NAA15: variants seen among roughly 807,000 people sequenced by gnomAD.
NAA15 encodes the protein N-terminal acetyltransferase.
In NAA15, 34 loss-of-function variants were observed where a neutral mutation model predicts 114.0. That is an observed-to-expected ratio of 0.30 (90% confidence interval 0.23 to 0.40). The LOEUF is 0.40. Ranked by LOEUF, NAA15 falls within the 10% of genes least tolerant of loss-of-function variation. The pLI is 1.00. For missense variants in NAA15, 658 were observed against 1,004.5 expected (o/e 0.66, Z 4.66); for synonymous variants, 340 against 338.0 (o/e 1.01, Z -0.06).
chr4:139,384,722 T>G (rs1488425442), intron 17 of NAA15, 110 bp from the exon 18 acceptor site: 2 of 665,550 alleles, frequency 3.0e-6, no homozygotes, highest in Admixed American at 8.7e-5. Flanking sequence ...GCCACTGTAC[T>G]CCAGCCTGGG....
intron 17 of NAA15, among the ~76,000 whole-genome samples, chr4:139,380,489 A>T (rs949227507): frequency 1.3e-5 from 2 of 152,230 alleles, no homozygotes; most frequent in Non-Finnish European, 2.9e-5. Context: ...TACAAATTAA[A>T]AGTGACATAT....
chr4:139,333,757 A>G (rs1451453675), intron 1 of NAA15, among the ~76,000 whole-genome samples: 2 of 152,064 alleles, frequency 1.3e-5, no homozygotes, highest in African/African-American at 4.8e-5. Context: ...AATATTAGCC[A>G]GGTATGGTGG....
At chr4:139,370,737 T>C (rs1748412745) in intron 15 of NAA15, among the ~76,000 whole-genome samples, 1 of 152,236 alleles carries the variant, frequency 6.6e-6, no homozygotes, top group Non-Finnish European at 1.5e-5. Flanking sequence ...CTGATGGTTT[T>C]CTCATCTATA....
chr4:139,360,469 G>A (rs2110956779), intron 12 of NAA15, 31 bp from the exon 13 acceptor site: 1 of 1,489,364 alleles, frequency 6.7e-7, no homozygotes, highest in Non-Finnish European at 9.0e-7. Context: ...ATGATAAAAA[G>A]TGATCTTGAA....
chr4:139,378,923 T>A, intron 17 of NAA15, 69 bp downstream of exon 17: 1 of 953,800 alleles, frequency 1.0e-6, no homozygotes, highest in Non-Finnish European at 1.6e-6. Flanking sequence ...AAGTGGTCTG[T>A]ACAAGTTTAT....
intron 1 of NAA15, 86 bp downstream of exon 1, chr4:139,301,917 G>A: frequency 7.0e-7 from 1 of 1,419,986 alleles, no homozygotes; most frequent in Non-Finnish European, 9.6e-7. Flanking sequence ...GGCGGGCACT[G>A]AGCCACTCCC....
chr4:139,304,820 C>G (rs1745954345), intron 1 of NAA15, among the ~76,000 whole-genome samples: 1 of 152,062 alleles, frequency 6.6e-6, no homozygotes, highest in Non-Finnish European at 1.5e-5. Flanking sequence ...CCTTTTAGAA[C>G]CACATCCATT....
intron 17 of NAA15, 33 bp downstream of exon 17, chr4:139,378,887 G>T: frequency 7.6e-7 from 1 of 1,314,490 alleles, no homozygotes. Flanking sequence ...TTAAGTATTT[G>T]ATACAGTGGT....
chr4:139,346,963 G>A (rs1015830598), intron 6 of NAA15, among the ~76,000 whole-genome samples: 1 of 152,104 alleles, frequency 6.6e-6, no homozygotes, highest in Admixed American at 6.6e-5. Flanking sequence ...TATTTTAGAG[G>A]TGAGGTCTTG....
At position 139,378,840 on chromosome 4, in the gene NAA15, G is replaced by A. The variant is rs780059113; in HGVS notation, c.2141G>A (p.Arg714His). The change falls in exon 17 of 20, where the codon CGT becomes CAT. Residue 714 changes from arginine to histidine, a missense_variant. Around this residue, in one of 6 missense-constraint regions of NAA15, gnomAD observed 275 missense variants for 371.1 expected, o/e 0.74. Coordinates refer to ENST00000296543, the MANE Select transcript of NAA15 (RefSeq NM_057175.5). The part of the protein sequence containing the change: ...SHPWLHECMI[R>H]LFNTAVCESK... ...CCCTGGCTTCATGAGTGTATGATTCGTCTCTTTAATACTGGTATGTTTTTG... is the reference window on the plus strand; with the variant it reads ...CCCTGGCTTCATGAGTGTATGATTCATCTCTTTAATACTGGTATGTTTTTG... 2 of 1,553,846 alleles carry A rather than the reference G, an allele frequency of 1.3e-6. No homozygotes were observed. Among genetic ancestry groups the A allele is most frequent in the South Asian group, 1.2e-5 (1 of 80,780 alleles).
At chr4:139,348,064 T>A (rs1321260406) in intron 6 of NAA15, among the ~76,000 whole-genome samples, 1 of 151,862 alleles carries the variant, frequency 6.6e-6, no homozygotes, top group Non-Finnish European at 1.5e-5. Flanking sequence ...AAAGAAAGTT[T>A]ACTTAAGTCC....
chr4:139,316,174 G>T (rs1746405158), intron 1 of NAA15, among the ~76,000 whole-genome samples: 1 of 151,660 alleles, frequency 6.6e-6, no homozygotes, highest in African/African-American at 2.4e-5. Context: ...AGATTCCTCA[G>T]GAATGCTTGT....
intron 1 of NAA15, among the ~76,000 whole-genome samples, chr4:139,318,906 T>A (rs1746507001): frequency 6.6e-6 from 1 of 152,090 alleles, no homozygotes; most frequent in Non-Finnish European, 1.5e-5. Flanking sequence ...AACAAAGCTG[T>A]TTAGCTTGAA....
chr4:139,371,355 TGAGGTGGGAGGATCACTTGAATCTAG>T (rs1460858869), intron 15 of NAA15, among the ~76,000 whole-genome samples: 2 of 151,696 alleles, frequency 1.3e-5, no homozygotes, highest in Non-Finnish European at 2.9e-5. Context: ...TATAGGAGGC[TGAGGTGGGAGGATCACTTGAATCTAG>T]GAGTTCAAGG....
chr4:139,306,243 T>A (rs1436176489), intron 1 of NAA15, among the ~76,000 whole-genome samples: 2 of 152,206 alleles, frequency 1.3e-5, no homozygotes, highest in African/African-American at 4.8e-5. Context: ...GAGTTTATTT[T>A]ATTTTGTTTG....
intron 3 of NAA15, among the ~76,000 whole-genome samples, chr4:139,339,445 T>C (rs934927567): frequency 6.6e-6 from 1 of 152,140 alleles, no homozygotes; most frequent in Non-Finnish European, 1.5e-5. Flanking sequence ...TACAGTGAGC[T>C]ATGAGTGTGC....
rs116352884 is a variant in NAA15 at position 139,314,998 on chromosome 4, C to G, written c.54+13167C>G. ...GCCTAGAGAAGCGTTCAGTTCAGTT[C>G]AGTTTAGTTTAGGTTAGGTTAGGTT... On this transcript the variant is annotated intron_variant, in intron 1 of 19. Transcript: ENST00000296543. 4.2e-4 allele frequency among the ~76,000 whole-genome samples: 28 copies of G among 66,656 alleles called. 1 individual carries two copies. Among genetic ancestry groups the G allele is most frequent in the African/African-American group, 2.1e-3 (26 of 12,582 alleles). The allele number at this position is 66,656 out of a possible 152,430, so 43.7% of individuals were successfully genotyped here.
At chr4:139,303,991 C>T (rs1246009658) in intron 1 of NAA15, among the ~76,000 whole-genome samples, 7 of 152,142 alleles carry the variant, frequency 4.6e-5, no homozygotes, top group Non-Finnish European at 2.9e-5. Context: ...GATCTCGGCT[C>T]ACTGCAAGCT....
Position 139,376,405 on chromosome 4 carries a change from C to T in NAA15, c.1988C>T (p.Pro663Leu), listed in dbSNP as rs752340397. The T allele has an allele frequency of 5.6e-6, 9 of 1,612,450 alleles. No homozygotes were observed. The highest frequency in any genetic ancestry group is 2.2e-5 in the East Asian group (1 of 44,808). The change falls in exon 16 of 20, where the codon CCG (proline) becomes CTG (leucine). Residue 663 changes from proline to leucine, a missense_variant. Physicochemically the swap from Pro to Leu is moderately conservative, Grantham distance 98. Coordinates refer to ENST00000296543, the MANE Select transcript of NAA15 (RefSeq NM_057175.5). ...PLEEAIKFLT[P>L]LKNLVKNKIE... ...GAAGAAGCTATTAAATTTTTAACAC[C>T]GTTGAAGAACTTGGTGAAGAACAAG...
Sources: allele counts gnomAD v4.1 joint callset (sites outside exome capture counted in the v4.1 genomes callset), GRCh38; gene constraint gnomAD v4.1.1; regional missense constraint gnomAD v4.1.1; transcripts MANE v1.5; gene names NCBI Gene and HGNC (gene_info 2026-07-23, HGNC 2026-07-21).